PELI2: variants seen among roughly 807,000 people sequenced by gnomAD.
The protein encoded by PELI2 is pellino E3 ubiquitin protein ligase family member 2.
Under a neutral mutation model 42.3 loss-of-function variants are expected in PELI2, and 23 were observed. The ratio of observed to expected loss-of-function variants is 0.54; its 90% CI spans 0.39 to 0.77. PELI2 has a LOEUF of 0.77. PELI2 is among the 30% of genes least tolerant of loss of function. The probability of loss-of-function intolerance (pLI) is 0.00; values close to 1 mark genes in which losing one functional copy is unlikely to be tolerated. For missense variants in PELI2, 463 were observed against 553.2 expected, an observed-to-expected ratio of 0.84 and a Z score of 1.64; for synonymous variants, 245 against 212.2, an observed-to-expected ratio of 1.15 and a Z score of -1.34.
intron 3 of PELI2, among the ~76,000 whole-genome samples, chr14:56,285,084 G>A (rs1294543992): frequency 6.6e-6 from 1 of 152,220 alleles, no homozygotes; most frequent in Non-Finnish European, 1.5e-5. Context: ...TCTGATTTAT[G>A]TTTTTGTACG....
At chr14:56,143,844 C>G (rs1411036520) in intron 1 of PELI2, among the ~76,000 whole-genome samples, 1 of 152,180 alleles carries the variant, frequency 6.6e-6, no homozygotes, top group African/African-American at 2.4e-5. Context: ...TTCCCTGTCT[C>G]AGCCTGCAAT....
intron 2 of PELI2, among the ~76,000 whole-genome samples, chr14:56,238,132 A>G (rs897106362): frequency 5.9e-5 from 9 of 152,128 alleles, no homozygotes; most frequent in Admixed American, 3.9e-4. Flanking sequence ...AAAGCCTACC[A>G]CTTTGACTTA....
rs957869163 is a variant in PELI2 at position 56,174,840 on chromosome 14, C to T, written c.78-3495C>T. 2.6e-5 allele frequency among the ~76,000 whole-genome samples: 4 copies of T among 152,244 alleles called. No individual in the cohort carries two copies. The East Asian group carries it at 5.8e-4, about 22-fold the overall frequency. On this transcript the variant is annotated intron_variant, in intron 1 of 5. Coordinates refer to ENST00000267460, the MANE Select transcript of PELI2 (RefSeq NM_021255.3). The stretch of plus-strand genomic sequence containing the variant: ...TGAGAATGGACTAATACAACCAGGA[C>T]GTTACAGTCGGGCTCCTGCCTACCT...
At chr14:56,198,749 A>G (rs1886229500) in intron 2 of PELI2, among the ~76,000 whole-genome samples, 1 of 152,160 alleles carries the variant, frequency 6.6e-6, no homozygotes, top group Admixed American at 6.5e-5. Context: ...GAGCATGCTT[A>G]TATGCTGATG....
chr14:56,191,986 C>G (rs1210626127), intron 2 of PELI2, among the ~76,000 whole-genome samples: 1 of 152,088 alleles, frequency 6.6e-6, no homozygotes, highest in South Asian at 2.1e-4. Context: ...TCCCAAGTAG[C>G]TGGAATTACA....
At chr14:56,199,755 C>G (rs1441718324) in intron 2 of PELI2, among the ~76,000 whole-genome samples, 1 of 152,172 alleles carries the variant, frequency 6.6e-6, no homozygotes, top group African/African-American at 2.4e-5. Context: ...GTATGATAAA[C>G]CAGCCAGCTA....
chr14:56,180,722 G>A lies in PELI2; in HGVS notation c.207+2258G>A, dbSNP rs1035535716. Among the ~76,000 whole-genome samples the A allele has an allele frequency of 6.6e-6, 1 of 151,550 alleles. No individual in the cohort carries two copies. The highest frequency in any genetic ancestry group is 2.4e-5 in the African/African-American group (1 of 41,268). ...CTCTGTTGGCACCTTCTACCTTGGC[G>A]CCCCCCATCTACCTCTTCCGCCCCT... On this transcript the variant is annotated intron_variant, in intron 2 of 5. Coordinates refer to ENST00000267460, the MANE Select transcript of PELI2 (RefSeq NM_021255.3). The surrounding 1 kb of genome is among the most constrained non-coding windows in gnomAD (Gnocchi z 4.4).
At chr14:56,294,327 G>A (rs928477605) in intron 5 of PELI2, among the ~76,000 whole-genome samples, 2 of 152,168 alleles carry the variant, frequency 1.3e-5, no homozygotes, top group African/African-American at 2.4e-5. Flanking sequence ...TCTTGCACCT[G>A]CCTGTGGGCA....
rs1890113530 is a variant in PELI2, at chr14:56,299,611, T to C, written c.*2445T>C. 6.6e-6 allele frequency: 1 copy of C among 151,790 alleles called. No homozygotes were observed. 9.4% of individuals were successfully genotyped at this position (151,790 alleles called of 1,614,324 possible). On this transcript the variant is annotated 3_prime_UTR_variant, in exon 6 of 6. Coordinates refer to ENST00000267460, the MANE Select transcript of PELI2 (RefSeq NM_021255.3). ...CCTTTACAATTTTGACTAAGGAGAT[T>C]TTTTTTTTCACAGTTGAGTTAGTTT...
chr14:56,168,449 A>G lies in PELI2; in HGVS notation c.78-9886A>G, dbSNP rs370385006. The stretch of plus-strand genomic sequence containing the variant: ...GGCAGAGAAGCCTTACCCCTTAGCC[A>G]CTGCCACCCTAGGCCATGAGGAGTA... On this transcript the variant is annotated intron_variant, in intron 1 of 5. Coordinates refer to ENST00000267460, the MANE Select transcript of PELI2 (RefSeq NM_021255.3). Among the ~76,000 whole-genome samples, 64 of 152,200 alleles carry G rather than the reference A, an allele frequency of 4.2e-4. No individual in the cohort carries two copies. The South Asian group carries it at 0.012, about 30-fold the overall frequency.
intron 2 of PELI2, among the ~76,000 whole-genome samples, chr14:56,240,048 C>G (rs909498861): frequency 2.0e-5 from 3 of 152,164 alleles, no homozygotes; most frequent in Non-Finnish European, 4.4e-5. Flanking sequence ...CTGGGAACTT[C>G]CAGTCCCTTA....
At chr14:56,235,359 C>A (rs1362603996) in intron 2 of PELI2, among the ~76,000 whole-genome samples, 1 of 152,208 alleles carries the variant, frequency 6.6e-6, no homozygotes, top group East Asian at 1.9e-4. Context: ...CCAGAGAAAT[C>A]TTTGAAAATG....
At chr14:56,216,206 G>T (rs1349731952) in intron 2 of PELI2, among the ~76,000 whole-genome samples, 1 of 152,118 alleles carries the variant, frequency 6.6e-6, no homozygotes, top group Non-Finnish European at 1.5e-5. Context: ...TACATTTGTG[G>T]GGCTCCTTGG....
chr14:56,201,747 A>C (rs1886339580), intron 2 of PELI2, among the ~76,000 whole-genome samples: 1 of 152,210 alleles, frequency 6.6e-6, no homozygotes, highest in South Asian at 2.1e-4. Flanking sequence ...CTTAACCAAT[A>C]ATTCAGCAAG....
chr14:56,266,294 C>CA (rs1402301260), intron 2 of PELI2, among the ~76,000 whole-genome samples: 17 of 151,458 alleles, frequency 1.1e-4, no homozygotes, highest in African/African-American at 4.1e-4. Flanking sequence ...ATCTGCATGG[C>CA]AAAAAAACCC....
In PELI2 at chr14:56,260,587, A is replaced by G. The variant is rs188775216; in HGVS notation, c.208-19089A>G. ...CTCTTCATTTGTCAAAACTCCTCAAATTGTACACTTAAAACTGGTGAATGT... is the reference window on the plus strand; with the variant it reads ...CTCTTCATTTGTCAAAACTCCTCAAGTTGTACACTTAAAACTGGTGAATGT... On this transcript the variant is annotated intron_variant, in intron 2 of 5. Coordinates refer to ENST00000267460, the MANE Select transcript of PELI2 (RefSeq NM_021255.3). Among the ~76,000 whole-genome samples, 11 of 152,310 alleles carry G rather than the reference A, an allele frequency of 7.2e-5. No individual in the cohort carries two copies. In the East Asian group the frequency reaches 2.1e-3, roughly 29 times the overall value.
chr14:56,133,029 T>A (rs1883549478), intron 1 of PELI2, among the ~76,000 whole-genome samples: 1 of 152,136 alleles, frequency 6.6e-6, no homozygotes, highest in African/African-American at 2.4e-5. Flanking sequence ...TTAATGAAAA[T>A]TTTGGAAGAA....
intron 3 of PELI2, among the ~76,000 whole-genome samples, chr14:56,286,885 A>G (rs1889663384): frequency 6.6e-6 from 1 of 152,190 alleles, no homozygotes; most frequent in African/African-American, 2.4e-5. Flanking sequence ...CGATCAAGAT[A>G]AGTGTCATGA....
chr14:56,188,442 C>T (rs545179798), intron 2 of PELI2, among the ~76,000 whole-genome samples: 16 of 152,262 alleles, frequency 1.1e-4, no homozygotes, highest in Middle Eastern at 3.4e-3. Flanking sequence ...GCTTTCTATC[C>T]TTTTTTCCGT....
Sources: allele counts gnomAD v4.1 joint callset (sites outside exome capture counted in the v4.1 genomes callset), GRCh38; gene constraint gnomAD v4.1.1; non-coding constraint Gnocchi (gnomAD v3.1); transcripts MANE v1.5; gene names NCBI Gene and HGNC (gene_info 2026-07-23, HGNC 2026-07-21).